PARD3B: variants seen among roughly 807,000 people sequenced by gnomAD.
The protein encoded by PARD3B is par-3 family cell polarity regulator beta.
PARD3B carries 103 observed loss-of-function variants against 130.2 expected under a neutral mutation model. The ratio of observed to expected loss-of-function variants is 0.79; its 90% confidence interval spans 0.67 to 0.93. The LOEUF is 0.93. PARD3B is among the 40% of genes least tolerant of loss of function. The probability of loss-of-function intolerance (pLI) is 0.00; values close to 1 mark genes in which losing one functional copy is unlikely to be tolerated. For synonymous variants in PARD3B, 583 were observed against 553.2 expected, an observed-to-expected ratio of 1.05 and a Z score of -0.76; for missense variants, 1,609 against 1,499.2, an observed-to-expected ratio of 1.07 and a Z score of -1.21.
intron 1 of PARD3B, among the ~76,000 whole-genome samples, chr2:204,582,607 T>C (rs1454487501): frequency 2.0e-5 from 3 of 152,134 alleles, no homozygotes; most frequent in Admixed American, 1.3e-4. Flanking sequence ...TACTGAGATG[T>C]TGAGTCAGGG....
In PARD3B at chr2:205,615,782, G is replaced by A. The variant is rs375186241; in HGVS notation, c.3587G>A (p.Arg1196Gln). 77 of 1,613,656 alleles carry A rather than the reference G, an allele frequency of 4.8e-5. No homozygotes were observed. The African/African-American group carries it at 4.9e-4, about 10-fold the overall frequency. The change falls in exon 23 of 23, where the codon CGG becomes CAG. Residue 1196 changes from arginine to glutamine, a missense_variant. Physicochemically the swap from Arg to Gln is conservative, Grantham distance 43. Coordinates refer to ENST00000406610, the MANE Select transcript of PARD3B (RefSeq NM_001302769.2). ...DQYPYRTQDS[R>Q]QKNPMTAAV Reference sequence around the variant, plus strand: ...TACCCTTACCGAACCCAGGATTCCCGGCAGAAGAACCCCATGACTGCAGCC... The same window carrying A: ...TACCCTTACCGAACCCAGGATTCCCAGCAGAAGAACCCCATGACTGCAGCC...
intron 18 of PARD3B, among the ~76,000 whole-genome samples, chr2:205,364,365 T>C (rs2044518475): frequency 6.6e-6 from 1 of 152,160 alleles, no homozygotes; most frequent in Non-Finnish European, 1.5e-5. Flanking sequence ...CCTAGTGTAC[T>C]GTTTCCTTTG....
chr2:204,855,063 G>T (rs1001375658), intron 2 of PARD3B, among the ~76,000 whole-genome samples: 1 of 152,118 alleles, frequency 6.6e-6, no homozygotes, highest in Non-Finnish European at 1.5e-5. Flanking sequence ...TACATAGCGT[G>T]CAAGGAAGGC....
At chr2:204,999,880 T>C (rs757217676) in intron 3 of PARD3B, among the ~76,000 whole-genome samples, 1 of 152,194 alleles carries the variant, frequency 6.6e-6, no homozygotes, top group Non-Finnish European at 1.5e-5. Context: ...AGAGAAACTT[T>C]AAAGGTTTAT....
chr2:205,317,838 G>GT (rs1166956350), intron 18 of PARD3B, among the ~76,000 whole-genome samples: 2 of 152,086 alleles, frequency 1.3e-5, no homozygotes, highest in Non-Finnish European at 2.9e-5. Context: ...TGTTATCTGA[G>GT]TTTTTTTGTG....
In PARD3B at chr2:205,525,043, A is replaced by C. The variant is rs114349103; in HGVS notation, c.3180+25012A>C. Among the ~76,000 whole-genome samples, 304 of 152,342 alleles carry C rather than the reference A, an allele frequency of 2.0e-3. 1 individual carries two copies. The highest frequency in any genetic ancestry group is 7.0e-3 in the African/African-American group (292 of 41,592). ...ACCTCGCCAGAATAAGAGATTTCTT[A>C]GTGATGAACCATGGCAAGAACCAGG... On this transcript the variant is annotated intron_variant, in intron 21 of 22. Transcript: ENST00000406610. This position sits in a 1 kb window ranked among gnomAD's most constrained non-coding sequence, Gnocchi z 4.2.
chr2:204,620,038 G>C (rs780627300), intron 1 of PARD3B, among the ~76,000 whole-genome samples: 4 of 152,076 alleles, frequency 2.6e-5, no homozygotes, highest in Admixed American at 1.3e-4. Flanking sequence ...ATCTCGCTCT[G>C]TCACCCAGGC....
intron 18 of PARD3B, among the ~76,000 whole-genome samples, chr2:205,358,916 T>A (rs1221643929): frequency 6.6e-6 from 1 of 152,218 alleles, no homozygotes; most frequent in African/African-American, 2.4e-5. Context: ...GCCGTATCAT[T>A]CTTTCCTCTG....
At chr2:205,565,251 A>G (rs1167343331) in intron 22 of PARD3B, among the ~76,000 whole-genome samples, 1 of 152,212 alleles carries the variant, frequency 6.6e-6, no homozygotes, top group Non-Finnish European at 1.5e-5. Context: ...AAGATGGAAA[A>G]TAAGCATGTT....
intron 3 of PARD3B, among the ~76,000 whole-genome samples, chr2:204,999,750 A>G (rs975155098): frequency 5.9e-5 from 9 of 152,216 alleles, no homozygotes; most frequent in African/African-American, 7.2e-5. Context: ...ATAAAGTGGT[A>G]TTGAGAACTA....
chr2:205,459,529 T>C (rs2048379661), intron 20 of PARD3B, among the ~76,000 whole-genome samples: 1 of 152,208 alleles, frequency 6.6e-6, no homozygotes, highest in African/African-American at 2.4e-5. Flanking sequence ...TTTAAATTAC[T>C]TTCAATTTGA....
At chr2:204,652,766 C>G (rs1462209211) in intron 1 of PARD3B, among the ~76,000 whole-genome samples, 2 of 145,234 alleles carry the variant, frequency 1.4e-5, no homozygotes, top group Non-Finnish European at 2.9e-5. Flanking sequence ...ACTCACAGTT[C>G]TGCAGGCTTA....
chr2:204,595,857 A>C (rs2033264905), intron 1 of PARD3B, among the ~76,000 whole-genome samples: 2 of 152,230 alleles, frequency 1.3e-5, no homozygotes, highest in South Asian at 2.1e-4. Flanking sequence ...AGAGCATGCT[A>C]TGCTATTGGG....
intron 2 of PARD3B, among the ~76,000 whole-genome samples, chr2:204,850,348 G>A (rs963614287): frequency 1.3e-5 from 2 of 152,082 alleles, no homozygotes; most frequent in African/African-American, 4.8e-5. Context: ...TGAAACCACT[G>A]GGTTGCCTTG....
In PARD3B at chr2:204,702,366, G is replaced by GT. The variant is rs1289364693; in HGVS notation, c.222+16087dup. Among the ~76,000 whole-genome samples, 7 of 152,126 alleles carry GT rather than the reference G, an allele frequency of 4.6e-5. 1 individual carries two copies. ...ACTAATTTGCATTTCCACCTACAGT[G>GT]TTTAAGTGTGCTCTTTTCTTTGCAG... On this transcript the variant is annotated intron_variant, in intron 2 of 22. Transcript: ENST00000406610.
intron 2 of PARD3B, among the ~76,000 whole-genome samples, chr2:204,919,080 A>C (rs776445347): frequency 5.3e-5 from 8 of 152,212 alleles, no homozygotes; most frequent in Non-Finnish European, 1.0e-4. Flanking sequence ...TTGGCAAATA[A>C]CATTGAACTT....
intron 18 of PARD3B, among the ~76,000 whole-genome samples, chr2:205,396,672 A>AT (rs1399837084): frequency 7.9e-5 from 12 of 152,182 alleles, no homozygotes; most frequent in African/African-American, 2.9e-4. Context: ...TTTGCACAGA[A>AT]TTTTTTAGGA....
intron 22 of PARD3B, among the ~76,000 whole-genome samples, chr2:205,583,148 A>T (rs1438619001): frequency 6.6e-6 from 1 of 152,212 alleles, no homozygotes; most frequent in Admixed American, 6.5e-5. Flanking sequence ...TGTGAAATGA[A>T]AATTAGAGCA....
intron 3 of PARD3B, among the ~76,000 whole-genome samples, chr2:205,010,579 A>G (rs1695633322): frequency 6.6e-6 from 1 of 152,216 alleles, no homozygotes; most frequent in South Asian, 2.1e-4. Flanking sequence ...TCACTCTACC[A>G]TCACACTTGA....
Sources: allele counts gnomAD v4.1 joint callset (sites outside exome capture counted in the v4.1 genomes callset), GRCh38; gene constraint gnomAD v4.1.1; non-coding constraint Gnocchi (gnomAD v3.1); transcripts MANE v1.5; gene names NCBI Gene and HGNC (gene_info 2026-07-23, HGNC 2026-07-21).